Variants in ST7 observed in about 807,000 individuals in gnomAD.
The protein encoded by ST7 is suppression of tumorigenicity 7.
ST7 carries 28 observed loss-of-function variants against 78.7 expected under a neutral mutation model. The observed-to-expected ratio is 0.36, with a 90% CI of 0.26 to 0.49. The LOEUF (loss-of-function observed/expected upper bound fraction) is 0.49. ST7 is among the 20% of genes least tolerant of loss of function. The probability of loss-of-function intolerance (pLI) is 0.99; values close to 1 mark genes in which losing one functional copy is unlikely to be tolerated. For synonymous variants in ST7, 247 were observed against 249.6 expected (o/e 0.99, Z 0.10); for missense variants, 418 against 696.0 (o/e 0.60, Z 4.49).
intron 1 of ST7, among the ~76,000 whole-genome samples, chr7:117,096,749 A>T (rs1166948205): frequency 2.0e-5 from 3 of 152,254 alleles, no homozygotes; most frequent in Non-Finnish European, 4.4e-5. Context: ...AAGTGCTGAC[A>T]TTATGTCCAC....
Position 117,031,892 on chromosome 7 carries a change from T to A in ST7, c.152-67870T>A, listed in dbSNP as rs1188180535. Among the ~76,000 whole-genome samples the A allele has an allele frequency of 2.4e-4, 36 of 147,896 alleles. 1 individual carries two copies. The highest frequency in any genetic ancestry group is 8.9e-5 in the Non-Finnish European group (6 of 67,046). On this transcript the variant is annotated intron_variant, in intron 1 of 15. Coordinates refer to ENST00000323984, the MANE Select transcript of ST7 (RefSeq NM_001369598.1). ...TATCTATATATATATATTTTTTTTT[T>A]TTTTTTGGCAATGGAGTCTTGCTTT...
chr7:117,123,530 C>T (rs1803582052), intron 3 of ST7, among the ~76,000 whole-genome samples: 2 of 152,128 alleles, frequency 1.3e-5, no homozygotes, highest in Admixed American at 1.3e-4. Context: ...CTGAAGTTAG[C>T]ATTTGTGTCC....
intron 1 of ST7, among the ~76,000 whole-genome samples, chr7:117,097,908 A>ATATATATATATATTTTT: frequency 3.3e-5 from 1 of 30,012 alleles, no homozygotes; most frequent in Non-Finnish European, 5.4e-5. Flanking sequence ...ATATATATAT[A>ATATATATATATATTTTT]TTTTTTTTTT....
intron 3 of ST7, among the ~76,000 whole-genome samples, chr7:117,121,347 G>A (rs775208920): frequency 2.0e-5 from 3 of 152,206 alleles, no homozygotes; most frequent in Non-Finnish European, 4.4e-5. Flanking sequence ...ACCTGGCTGA[G>A]CAATGCCATC....
intron 1 of ST7, chr7:116,972,108 G>C: frequency 1.9e-6 from 1 of 539,694 alleles, no homozygotes; most frequent in Non-Finnish European, 3.6e-6. Flanking sequence ...AGGCAGGCTG[G>C]CCTCAGGCAG....
intron 9 of ST7, among the ~76,000 whole-genome samples, chr7:117,156,406 C>T (rs889525801): frequency 6.6e-5 from 10 of 152,270 alleles, no homozygotes; most frequent in African/African-American, 1.9e-4. Context: ...AGGAGAGGGA[C>T]GGGTTTTAAA....
intron 1 of ST7, among the ~76,000 whole-genome samples, chr7:116,994,726 G>A (rs1337522344): frequency 6.6e-6 from 1 of 152,204 alleles, no homozygotes; most frequent in Non-Finnish European, 1.5e-5. Flanking sequence ...CGACATTGGA[G>A]GAGTTCTCTC....
chr7:117,096,435 C>T (rs1453145782), intron 1 of ST7, among the ~76,000 whole-genome samples: 1 of 152,134 alleles, frequency 6.6e-6, no homozygotes. Flanking sequence ...AAAAATCTAT[C>T]TTATAGTATC....
intron 1 of ST7, chr7:117,020,506 C>G: frequency 9.3e-6 from 13 of 1,400,424 alleles, no homozygotes; most frequent in East Asian, 2.5e-5. Flanking sequence ...GTGTAGCCGG[C>G]TCATCTCTTC....
chr7:117,150,102 C>T (rs1806133274), intron 9 of ST7, among the ~76,000 whole-genome samples: 1 of 152,162 alleles, frequency 6.6e-6, no homozygotes, highest in Non-Finnish European at 1.5e-5. Context: ...CACCAGGCCT[C>T]GCTCAGTCCC....
chr7:117,152,203 A>ATG (rs1288274421), intron 9 of ST7, among the ~76,000 whole-genome samples: 2 of 94,700 alleles, frequency 2.1e-5, no homozygotes, highest in Non-Finnish European at 4.9e-5. Context: ...ATATATATAT[A>ATG]TATATATATA....
At chr7:117,187,988 A>G (rs1204035750) in intron 10 of ST7, among the ~76,000 whole-genome samples, 2 of 152,170 alleles carry the variant, frequency 1.3e-5, no homozygotes, top group African/African-American at 2.4e-5. Context: ...ACCATTTTAT[A>G]TAGTATGTAT....
At chr7:117,032,767 A>G (rs1796669612) in intron 1 of ST7, among the ~76,000 whole-genome samples, 2 of 152,204 alleles carry the variant, frequency 1.3e-5, no homozygotes, top group African/African-American at 4.8e-5. Flanking sequence ...GGCAGCTTAT[A>G]AAGCAGTAAT....
chr7:117,064,297 AATT>A (rs1798518674), intron 1 of ST7, among the ~76,000 whole-genome samples: 1 of 152,180 alleles, frequency 6.6e-6, no homozygotes, highest in Non-Finnish European at 1.5e-5. Flanking sequence ...AATGTGATGT[AATT>A]ATTATGAAAA....
At position 117,197,700 on chromosome 7, in the gene ST7, A is replaced by T. The variant is rs1810447756; in HGVS notation, c.1254+6764A>T. ...TTTGCCACTACTAGTTTGGTAGAAC[A>T]TTGTTAGCCATTTGTATTTATTCCT... On this transcript the variant is annotated intron_variant, in intron 12 of 15. Transcript: ENST00000323984. 2.0e-5 allele frequency among the ~76,000 whole-genome samples: 3 copies of T among 152,328 alleles called. No homozygotes were observed. In the South Asian group the frequency reaches 6.2e-4, roughly 32 times the overall value.
chr7:117,182,917 A>T (rs1271890325), intron 10 of ST7, among the ~76,000 whole-genome samples: 3 of 152,206 alleles, frequency 2.0e-5, no homozygotes, highest in African/African-American at 7.2e-5. Flanking sequence ...TAACCATCTT[A>T]ATTCTTGAAA....
intron 15 of ST7, among the ~76,000 whole-genome samples, chr7:117,226,543 T>C (rs983738687): frequency 2.6e-5 from 4 of 152,218 alleles, no homozygotes; most frequent in South Asian, 2.1e-4. Flanking sequence ...TATTGACTGA[T>C]TTTCAAACAT....
intron 1 of ST7, among the ~76,000 whole-genome samples, chr7:116,978,261 T>G (rs2116309670): frequency 6.6e-6 from 1 of 152,372 alleles, no homozygotes; most frequent in Non-Finnish European, 1.5e-5. Context: ...AGTTGCTTCC[T>G]GACTTGCAGG....
intron 12 of ST7, among the ~76,000 whole-genome samples, chr7:117,208,524 A>G (rs1045044772): frequency 2.6e-5 from 4 of 152,136 alleles, no homozygotes; most frequent in African/African-American, 7.2e-5. Flanking sequence ...AGATGCCTGC[A>G]TGTGTTCTCC....
Sources: allele counts gnomAD v4.1 joint callset (sites outside exome capture counted in the v4.1 genomes callset), GRCh38; gene constraint gnomAD v4.1.1; transcripts MANE v1.5; gene names NCBI Gene and HGNC (gene_info 2026-07-23, HGNC 2026-07-21).